LSM1: variants seen among roughly 807,000 people sequenced by gnomAD.
The protein encoded by LSM1 is LSM1 homolog, mRNA degradation associated, also known as U6 snRNA-associated Sm-like protein LSm1.
Under a neutral mutation model 18.0 loss-of-function variants are expected in LSM1, and 13 were observed. The observed-to-expected ratio is 0.72, with a 90% confidence interval of 0.47 to 1.15. The LOEUF is 1.15. LSM1 is among the 50% of genes most tolerant of loss of function. The probability of loss-of-function intolerance (pLI) is 0.00; values close to 1 mark genes in which losing one functional copy is unlikely to be tolerated. For synonymous variants in LSM1, 46 were observed against 56.0 expected, an observed-to-expected ratio of 0.82 and a Z score of 0.80; for missense variants, 152 against 157.7, an observed-to-expected ratio of 0.96 and a Z score of 0.19.
rs11787211 is a variant in LSM1, at chr8:38,166,236, C to T, written c.232-2396G>A. ...GGCTGAAGTGATCCTCCTGCCTCAGCCTCCTAAGTAGCTGGAACTACAGGC... is the reference window on the plus strand; with the variant it reads ...GGCTGAAGTGATCCTCCTGCCTCAGTCTCCTAAGTAGCTGGAACTACAGGC... On this transcript the variant is annotated intron_variant, in intron 3 of 3. Coordinates refer to ENST00000311351, the MANE Select transcript of LSM1 (RefSeq NM_014462.3). The T allele has an allele frequency of 6.6e-3, 1,008 of 152,386 alleles. 3 individuals are homozygous for T. The highest frequency in any genetic ancestry group is 0.012 in the Admixed American group (180 of 15,302). The allele number at this position is 152,386 out of a possible 1,614,324, so 9.4% of individuals were successfully genotyped here. A position where few individuals can be genotyped will look rare whatever the true frequency, so the allele number is the denominator to read the frequency against.
rs879059392 is a variant in LSM1 at position 38,176,206 on chromosome 8, CG to C, written c.46+68del. On this transcript the variant is annotated intron_variant, in intron 1 of 3. Coordinates refer to ENST00000311351, the MANE Select transcript of LSM1 (RefSeq NM_014462.3). ...CCGGGACTCATTCTACAAGCTTCTT[CG>C]GAAGAGGCGCCCGCCCGGGAGGAAG... The C allele has an allele frequency of 8.6e-6, 12 of 1,390,614 alleles. No homozygotes were observed. In the South Asian group the frequency reaches 1.3e-4, roughly 15 times the overall value. The allele number at this position is 1,390,614 out of a possible 1,614,324, so 86.1% of individuals were successfully genotyped here. A position where few individuals can be genotyped will look rare whatever the true frequency, so the allele number is the denominator to read the frequency against.
Position 38,163,724 on chromosome 8 carries a change from G to A in LSM1, c.348C>T (p.Ala116=). The A allele has an allele frequency of 6.2e-7, 1 of 1,614,008 alleles. No homozygotes were observed. Among genetic ancestry groups the A allele is most frequent in the Non-Finnish European group, 8.5e-7 (1 of 1,179,990 alleles). Reference sequence around the variant, plus strand: ...GAATGGAAAGACCTCGGTCCTTCAGGGCCTGCACTTTCAACTTCTCTGCTT... The same window carrying A: ...GAATGGAAAGACCTCGGTCCTTCAGAGCCTGCACTTTCAACTTCTCTGCTT... ...KLEAEKLKVQ[A]LKDRGLSIPR... is the part of the protein sequence containing the mutation. Residue 116 remains alanine, a synonymous_variant, in exon 4 of 4, where the codon GCC becomes GCT. Coordinates refer to ENST00000311351, the MANE Select transcript of LSM1 (RefSeq NM_014462.3).
intron 3 of LSM1, among the ~76,000 whole-genome samples, chr8:38,168,072 C>T (rs537088737): frequency 2.6e-5 from 4 of 151,822 alleles, no homozygotes; most frequent in Non-Finnish European, 4.4e-5. Context: ...TGCCATTCTC[C>T]TACCTCAGCC....
intron 2 of LSM1, 93 bp downstream of exon 2, chr8:38,171,872 G>A: frequency 1.1e-6 from 1 of 914,516 alleles, no homozygotes; most frequent in Middle Eastern, 3.2e-4. Context: ...ACGTGAAAAA[G>A]TTGCAGATAA....
chr8:38,165,223 G>A (rs181273415), intron 3 of LSM1, among the ~76,000 whole-genome samples: 8 of 151,984 alleles, frequency 5.3e-5, no homozygotes, highest in African/African-American at 1.9e-4. Flanking sequence ...CGTGGTGGCA[G>A]GTGCCTGTAA....
At chr8:38,172,511 G>A (rs1420408843) in intron 1 of LSM1, among the ~76,000 whole-genome samples, 2 of 151,806 alleles carry the variant, frequency 1.3e-5, no homozygotes, top group African/African-American at 4.8e-5. Flanking sequence ...TAGTAGAGAT[G>A]GTGTATCACC....
chr8:38,174,153 C>T (rs1206841415), intron 1 of LSM1, among the ~76,000 whole-genome samples: 7 of 151,420 alleles, frequency 4.6e-5, no homozygotes, highest in Admixed American at 4.6e-4. Context: ...AAGAAACAGA[C>T]AAAATGAAAA....
chr8:38,172,656 T>A (rs1011637227), intron 1 of LSM1, among the ~76,000 whole-genome samples: 2 of 152,222 alleles, frequency 1.3e-5, no homozygotes, highest in African/African-American at 4.8e-5. Context: ...AACCATCTCA[T>A]GTCATGTCAG....
Position 38,163,676 on chromosome 8 carries a change from C to G in LSM1, c.396G>C (p.Glu132Asp), listed in dbSNP as rs1802878657. 6.2e-7 allele frequency: 1 copy of G among 1,614,080 alleles called. No homozygotes were observed. The highest frequency in any genetic ancestry group is 8.5e-7 in the Non-Finnish European group (1 of 1,179,976). ...LSIPRADTLD[E>D]Y ...ACAGCCTCTGGGCAAAAGATTAGTA[C>G]TCATCAAGAGTATCTGCTCGAGGAA... Residue 132 changes from glutamate to aspartate, a missense_variant, in exon 4 of 4, where the codon GAG becomes GAC. Transcript: ENST00000311351.
At position 38,174,788 on chromosome 8, in the gene LSM1, C is replaced by A. The variant is rs547675306; in HGVS notation, c.46+1487G>T. ...CTGTAATCCCAGTACTCTGGGAGGC[C>A]GAGGTGGGTGGATCACCTGAGGTCA... On this transcript the variant is annotated intron_variant, in intron 1 of 3. Coordinates refer to ENST00000311351, the MANE Select transcript of LSM1 (RefSeq NM_014462.3). Among the ~76,000 whole-genome samples, 91 of 151,984 alleles carry A rather than the reference C, an allele frequency of 6.0e-4. 1 individual carries two copies. The South Asian group carries it at 0.018, about 31-fold the overall frequency.
intron 1 of LSM1, among the ~76,000 whole-genome samples, chr8:38,174,056 C>A (rs536880309): frequency 2.0e-5 from 3 of 152,104 alleles, no homozygotes. Flanking sequence ...AGACCTTAGA[C>A]GAATAACTTT....
At chr8:38,172,615 C>T (rs1300423471) in intron 1 of LSM1, among the ~76,000 whole-genome samples, 1 of 152,162 alleles carries the variant, frequency 6.6e-6, no homozygotes, top group African/African-American at 2.4e-5. Context: ...AACCATGGCG[C>T]CTAGCCAAAG....
intron 2 of LSM1, 72 bp downstream of exon 2, chr8:38,171,893 T>C: frequency 8.4e-7 from 1 of 1,184,466 alleles, no homozygotes; most frequent in Non-Finnish European, 1.2e-6. Flanking sequence ...ATTTCAATAT[T>C]AAATAACAAA....
At chr8:38,169,437 G>A (rs1036018106) in intron 3 of LSM1, among the ~76,000 whole-genome samples, 2 of 152,016 alleles carry the variant, frequency 1.3e-5, no homozygotes, top group African/African-American at 4.8e-5. Flanking sequence ...ATATCACATT[G>A]TACTGTACAG....
Position 38,174,860 on chromosome 8 carries a change from C to T in LSM1, c.46+1415G>A, listed in dbSNP as rs116406736. 6.3e-3 allele frequency among the ~76,000 whole-genome samples: 958 copies of T among 151,236 alleles called. 7 individuals carry two copies. Among genetic ancestry groups the T allele is most frequent in the African/African-American group, 0.022 (926 of 41,278 alleles). On this transcript the variant is annotated intron_variant, in intron 1 of 3. Transcript: ENST00000311351. Reference sequence around the variant, plus strand: ...CAGCATGGCGAAACCTCGTCTCTACCAAAAAATGCAAAAATTAGCTGGGCG... The same window carrying T: ...CAGCATGGCGAAACCTCGTCTCTACTAAAAAATGCAAAAATTAGCTGGGCG...
chr8:38,164,543 C>T (rs551500500), intron 3 of LSM1, among the ~76,000 whole-genome samples: 105 of 149,686 alleles, frequency 7.0e-4, no homozygotes, highest in African/African-American at 2.4e-3. Flanking sequence ...ATTTTAAGGA[C>T]GGGTGGAGTG....
chr8:38,164,683 A>T (rs1308638246), intron 3 of LSM1, among the ~76,000 whole-genome samples: 2 of 151,620 alleles, frequency 1.3e-5, no homozygotes, highest in Non-Finnish European at 2.9e-5. Context: ...AACAAAAAAA[A>T]GCTGGTGTGG....
At chr8:38,173,799 T>A (rs903367420) in intron 1 of LSM1, among the ~76,000 whole-genome samples, 1 of 152,130 alleles carries the variant, frequency 6.6e-6, no homozygotes, top group African/African-American at 2.4e-5. Context: ...ACATCAAGAT[T>A]AGAGAAAGCA....
At chr8:38,176,246 G>C (rs1473421857) in intron 1 of LSM1, 29 bp downstream of exon 1, 1 of 1,607,310 alleles carries the variant, frequency 6.2e-7, no homozygotes, top group South Asian at 1.1e-5. Context: ...CTAACCCCGG[G>C]CTCCACCGGG....
Sources: allele counts gnomAD v4.1 joint callset (sites outside exome capture counted in the v4.1 genomes callset), GRCh38; gene constraint gnomAD v4.1.1; transcripts MANE v1.5; gene names NCBI Gene and HGNC (gene_info 2026-07-23, HGNC 2026-07-21).